Variants in TENM1 observed in about 807,000 individuals in gnomAD.
TENM1 encodes teneurin-1.
Under a neutral mutation model 174.8 loss-of-function variants are expected in TENM1, and 35 were observed. That is an observed-to-expected ratio of 0.20 (90% CI 0.15 to 0.27). TENM1 has a LOEUF of 0.27. Among genes scored for constraint, TENM1 ranks in the 10% least tolerant of loss-of-function variants. The pLI, the probability that TENM1 is intolerant of heterozygous loss-of-function variation, is 1.00. For synonymous variants in TENM1, 781 were observed against 798.7 expected, an observed-to-expected ratio of 0.98 and a Z score of 0.37; for missense variants, 1,633 against 2,130.1, an observed-to-expected ratio of 0.77 and a Z score of 4.59.
chrX:124,440,603 C>A (rs750466109), intron 23 of TENM1, among the ~76,000 whole-genome samples: 2 of 111,452 alleles, frequency 1.8e-5, no homozygotes, highest in African/African-American at 6.5e-5. Context: ...TTCTGTATTA[C>A]CATCTTTCAG....
At chrX:124,553,770 A>C (rs1374256013) in intron 14 of TENM1, among the ~76,000 whole-genome samples, 2 of 111,068 alleles carry the variant, frequency 1.8e-5, no homozygotes, top group Non-Finnish European at 3.8e-5. Flanking sequence ...TTTTTTATGC[A>C]TTGCTATTTC....
chrX:124,472,205 C>T (rs1418789169), intron 22 of TENM1, among the ~76,000 whole-genome samples: 1 of 106,883 alleles, frequency 9.4e-6, no homozygotes, highest in African/African-American at 3.4e-5. Flanking sequence ...TGAGGGCTGC[C>T]GCAAGGGGCT....
At chrX:124,696,147 G>A (rs1334767521) in intron 5 of TENM1, among the ~76,000 whole-genome samples, 2 of 111,626 alleles carry the variant, frequency 1.8e-5, no homozygotes, top group Non-Finnish European at 3.8e-5. Flanking sequence ...GATAATATTG[G>A]AGCATGTGCT....
chrX:124,532,593 ACTGT>A (rs1320715567), intron 15 of TENM1, among the ~76,000 whole-genome samples: 1 of 111,704 alleles, frequency 9.0e-6, no homozygotes, highest in Non-Finnish European at 1.9e-5. Context: ...TATTCAAGAC[ACTGT>A]CTACCTGTTC....
the TENM1 span, among the ~76,000 whole-genome samples, chrX:125,087,564 GCTTCT>G: frequency 5.4e-5 from 6 of 110,963 alleles, no homozygotes; most frequent in African/African-American, 2.0e-4. Context: ...TCTTCTATCA[GCTTCT>G]CTTAAGATAA....
intron 1 of TENM1, among the ~76,000 whole-genome samples, chrX:124,906,575 C>A (rs2057752317): frequency 9.0e-6 from 1 of 111,119 alleles, no homozygotes; most frequent in African/African-American, 3.3e-5. Flanking sequence ...CAATATTTAC[C>A]AAAGATAAAT....
At chrX:125,113,572 T>G in the TENM1 span, among the ~76,000 whole-genome samples, 2 of 110,993 alleles carry the variant, frequency 1.8e-5, no homozygotes, top group Non-Finnish European at 3.8e-5. Context: ...GAGAAATAAT[T>G]ACCAAGCAAA....
At chrX:124,836,312 G>A (rs1268045727) in intron 3 of TENM1, among the ~76,000 whole-genome samples, 2 of 111,530 alleles carry the variant, frequency 1.8e-5, no homozygotes. Context: ...TGAAGTAGGA[G>A]AAGTTGTTTC....
At chrX:124,378,591 C>T (rs945906173) in exon 32 of TENM1, 9 of 111,983 alleles carry the variant, frequency 8.0e-5, no homozygotes, top group Non-Finnish European at 1.5e-4. Context: ...ATATATCAAG[C>T]TGGTGTGTTT....
At chrX:124,885,201 A>C (rs369029475) in intron 3 of TENM1, among the ~76,000 whole-genome samples, 2 of 110,907 alleles carry the variant, frequency 1.8e-5, no homozygotes, top group African/African-American at 6.5e-5. Context: ...AATATTTTAA[A>C]GTAAATTATC....
At chrX:124,589,591 G>T (rs958478633) in intron 11 of TENM1, among the ~76,000 whole-genome samples, 17 of 110,677 alleles carry the variant, frequency 1.5e-4, no homozygotes, top group African/African-American at 5.6e-4. Context: ...TTCAATTTTG[G>T]AACTTGATAT....
chrX:124,669,640 A>G (rs1482035441), intron 6 of TENM1, among the ~76,000 whole-genome samples: 1 of 111,390 alleles, frequency 9.0e-6, no homozygotes, highest in East Asian at 2.8e-4. Flanking sequence ...GTGCAGTTAT[A>G]GTTAAGGTTT....
rs2057688112 is a variant in TENM1, at chrX:124,902,983, C to A, written c.218-6742G>T. On this transcript the variant is annotated intron_variant, in intron 1 of 31. Coordinates refer to ENST00000422452, the Ensembl canonical transcript of TENM1. ...GGTAATAAAGGCACATTGTCTAAAC[C>A]TGACTTTTATTTTTCTGCTGAGGGC... 1.8e-5 allele frequency among the ~76,000 whole-genome samples: 2 copies of A among 111,707 alleles called. 1 individual carries two copies. The highest frequency in any genetic ancestry group is 3.8e-5 in the Non-Finnish European group (2 of 53,167).
intron 3 of TENM1, among the ~76,000 whole-genome samples, chrX:124,795,695 T>G (rs1439329733): frequency 9.0e-6 from 1 of 110,511 alleles, no homozygotes; most frequent in Non-Finnish European, 1.9e-5. Context: ...CACTTTAACC[T>G]AAGGTGGCAG....
intron 22 of TENM1, among the ~76,000 whole-genome samples, chrX:124,466,921 C>T (rs1015344282): frequency 9.0e-6 from 1 of 111,331 alleles, no homozygotes; most frequent in Non-Finnish European, 1.9e-5. Context: ...TTTTGGCTTG[C>T]GGAGGGACAA....
intron 3 of TENM1, among the ~76,000 whole-genome samples, chrX:124,742,932 C>G (rs1003593278): frequency 1.8e-5 from 2 of 111,044 alleles, no homozygotes; most frequent in African/African-American, 3.3e-5. Context: ...CCCTCCCCTT[C>G]TAGGCAGGAG....
At chrX:124,527,084 C>T (rs755625633) in intron 16 of TENM1, among the ~76,000 whole-genome samples, 2 of 112,040 alleles carry the variant, frequency 1.8e-5, no homozygotes, top group African/African-American at 6.5e-5. Flanking sequence ...TTTTCTCATA[C>T]AACAAATGGG....
intron 18 of TENM1, among the ~76,000 whole-genome samples, chrX:124,504,498 C>T (rs929540453): frequency 0.019 from 1 of 52 alleles, no homozygotes; most frequent in Non-Finnish European, 0.042. Flanking sequence ...AGCCATTTTC[C>T]CTCTTGGAAA....
chrX:124,383,058 C>A (rs761587422), intron 30 of TENM1, among the ~76,000 whole-genome samples: 1 of 110,090 alleles, frequency 9.1e-6, no homozygotes, highest in African/African-American at 3.3e-5. Context: ...TGGGTTCAAG[C>A]GATTCTCCTG....
Sources: gnomAD v4.1 joint callset for allele counts (sites outside exome capture counted in the v4.1 genomes callset) on GRCh38, gnomAD v4.1.1 for gene constraint, MANE v1.5 for transcripts, NCBI Gene and HGNC (gene_info 2026-07-23, HGNC 2026-07-21) for gene names.